Variants in ASXL3 observed in about 807,000 individuals in gnomAD.
ASXL3 encodes the protein ASXL transcriptional regulator 3.
In ASXL3, 34 loss-of-function variants were observed where a neutral mutation model predicts 170.6. The ratio of observed to expected loss-of-function variants is 0.20; its 90% CI spans 0.15 to 0.27. The LOEUF is 0.27. ASXL3 is among the 10% of genes least tolerant of loss of function. The pLI, the probability that ASXL3 is intolerant of heterozygous loss-of-function variation, is 1.00. For synonymous variants in ASXL3, 1,002 were observed against 989.1 expected (o/e 1.01, Z -0.24); for missense variants, 2,592 against 2,695.3 (o/e 0.96, Z 0.85).
chr18:33,661,132 A>G (rs78724589), intron 4 of ASXL3, among the ~76,000 whole-genome samples: 95 of 152,330 alleles, frequency 6.2e-4, no homozygotes, highest in East Asian at 4.6e-3. Context: ...AAGAGAAAAT[A>G]AACATGTCCC....
At chr18:33,659,300 G>A (rs1168213190) in intron 4 of ASXL3, among the ~76,000 whole-genome samples, 3 of 152,060 alleles carry the variant, frequency 2.0e-5, no homozygotes, top group Admixed American at 2.0e-4. Context: ...AGTACATTTA[G>A]ACGCCCAGTA....
At chr18:33,645,321 T>A (rs1158163667) in intron 3 of ASXL3, among the ~76,000 whole-genome samples, 1 of 151,982 alleles carries the variant, frequency 6.6e-6, no homozygotes, top group African/African-American at 2.4e-5. Flanking sequence ...AGAGTTACCA[T>A]GAACTCTTTG....
intron 1 of ASXL3, among the ~76,000 whole-genome samples, chr18:33,593,630 A>G (rs1324161214): frequency 6.6e-6 from 1 of 152,170 alleles, no homozygotes; most frequent in Non-Finnish European, 1.5e-5. Flanking sequence ...ATATTCAGCC[A>G]TATCTGTTTC....
chr18:33,646,915 T>G (rs2065925037), intron 4 of ASXL3, among the ~76,000 whole-genome samples: 1 of 149,164 alleles, frequency 6.7e-6, no homozygotes, highest in African/African-American at 2.5e-5. Flanking sequence ...CTGAATTTTA[T>G]ATGTGAACTT....
At chr18:33,734,483 T>C (rs2145403259) in intron 10 of ASXL3, 68 bp downstream of exon 10, 3 of 1,022,470 alleles carry the variant, frequency 2.9e-6, no homozygotes, top group African/African-American at 1.6e-5. Flanking sequence ...CTGCTTCACA[T>C]AGCACACTCA....
At chr18:33,713,544 C>T (rs781465297) in intron 8 of ASXL3, among the ~76,000 whole-genome samples, 2 of 151,998 alleles carry the variant, frequency 1.3e-5, no homozygotes, top group African/African-American at 2.4e-5. Flanking sequence ...CGTGAGCCAC[C>T]GTGCCCGGCC....
chr18:33,719,000 ATATT>A (rs1266060329), intron 8 of ASXL3, among the ~76,000 whole-genome samples: 1 of 152,100 alleles, frequency 6.6e-6, no homozygotes, highest in South Asian at 2.1e-4. Context: ...TATTTCATAT[ATATT>A]TATTCATTTA....
chr18:33,652,230 A>G (rs2066009768), intron 4 of ASXL3, among the ~76,000 whole-genome samples: 1 of 152,066 alleles, frequency 6.6e-6, no homozygotes, highest in African/African-American at 2.4e-5. Context: ...TTCTGAGCAT[A>G]ATACATTGAT....
intron 5 of ASXL3, among the ~76,000 whole-genome samples, chr18:33,668,080 G>T (rs541892696): frequency 2.0e-5 from 3 of 152,110 alleles, no homozygotes; most frequent in Non-Finnish European, 2.9e-5. Context: ...CCAGCAGCTA[G>T]TTAGTTAAAT....
chr18:33,597,489 T>G lies in ASXL3; in HGVS notation c.55-10105T>G, dbSNP rs181133669. Among the ~76,000 whole-genome samples, 17 of 152,118 alleles carry G rather than the reference T, an allele frequency of 1.1e-4. No homozygotes were observed. The East Asian group carries it at 2.3e-3, about 21-fold the overall frequency. On this transcript the variant is annotated intron_variant, in intron 1 of 11. Transcript: ENST00000269197. Reference sequence around the variant, plus strand: ...TAGACTACGTCTCATTATTTTGGAGTCATAATCTCATATAATGCTTCATTG... The same window carrying G: ...TAGACTACGTCTCATTATTTTGGAGGCATAATCTCATATAATGCTTCATTG...
chr18:33,711,988 C>T (rs2067073502), intron 8 of ASXL3, among the ~76,000 whole-genome samples: 1 of 152,092 alleles, frequency 6.6e-6, no homozygotes, highest in Non-Finnish European at 1.5e-5. Context: ...GTTCCATGTA[C>T]TCCTCCAATT....
intron 2 of ASXL3, among the ~76,000 whole-genome samples, chr18:33,613,623 T>TA (rs1261331229): frequency 6.6e-6 from 1 of 152,080 alleles, no homozygotes; most frequent in Non-Finnish European, 1.5e-5. Flanking sequence ...TACCTTAATT[T>TA]AAAAAATACT....
At chr18:33,615,618 A>G (rs1371320726) in intron 2 of ASXL3, among the ~76,000 whole-genome samples, 1 of 152,206 alleles carries the variant, frequency 6.6e-6, no homozygotes, top group African/African-American at 2.4e-5. Context: ...GCGAAGCATA[A>G]TAAAGTGAAA....
At chr18:33,691,351 C>T (rs1219000157) in intron 8 of ASXL3, among the ~76,000 whole-genome samples, 2 of 152,154 alleles carry the variant, frequency 1.3e-5, no homozygotes, top group Non-Finnish European at 2.9e-5. Flanking sequence ...TGTGGTGTTG[C>T]AGCCCCTAGG....
At chr18:33,620,267 C>T (rs775626868) in intron 2 of ASXL3, among the ~76,000 whole-genome samples, 4 of 152,040 alleles carry the variant, frequency 2.6e-5, no homozygotes, top group Non-Finnish European at 4.4e-5. Context: ...CAGTTTGTAG[C>T]TTAATTTGTG....
At chr18:33,635,486 C>G (rs1417773863) in intron 2 of ASXL3, among the ~76,000 whole-genome samples, 1 of 152,166 alleles carries the variant, frequency 6.6e-6, no homozygotes, top group Non-Finnish European at 1.5e-5. Flanking sequence ...ACCAGCTATT[C>G]TCTTTTGTGT....
intron 8 of ASXL3, among the ~76,000 whole-genome samples, chr18:33,731,504 C>T (rs571094475): frequency 9.2e-5 from 14 of 152,198 alleles, no homozygotes; most frequent in African/African-American, 2.6e-4. Flanking sequence ...GACTCTCATG[C>T]GGCTGCATCA....
chr18:33,586,714 T>A (rs955361411), intron 1 of ASXL3, among the ~76,000 whole-genome samples: 4 of 152,174 alleles, frequency 2.6e-5, no homozygotes, highest in Non-Finnish European at 5.9e-5. Flanking sequence ...TCTTCTCTGA[T>A]GAGGATGTCA....
At position 33,745,213 on chromosome 18, in the gene ASXL3, A is replaced by G. The variant is rs2067757903; in HGVS notation, c.5365A>G (p.Lys1789Glu). ...PLPLQTTSVG[K>E]TAPERNVEIP... ...GCCTCTTCAAACTACCTCAGTGGGTAAAACAGCACCAGAGAGAAACGTTGA... is the reference window on the plus strand; with the variant it reads ...GCCTCTTCAAACTACCTCAGTGGGTGAAACAGCACCAGAGAGAAACGTTGA... Residue 1789 changes from lysine (K) to glutamate (E), a missense_variant, in exon 12 of 12, where the codon AAA (lysine) becomes GAA (glutamate). Coordinates refer to ENST00000269197, the MANE Select transcript of ASXL3 (RefSeq NM_030632.3). 1.9e-6 allele frequency: 3 copies of G among 1,614,034 alleles called. No individual in the cohort carries two copies. The highest frequency in any genetic ancestry group is 2.2e-5 in the East Asian group (1 of 44,874).
Sources: gnomAD v4.1 joint callset for allele counts (sites outside exome capture counted in the v4.1 genomes callset) on GRCh38, gnomAD v4.1.1 for gene constraint, MANE v1.5 for transcripts, NCBI Gene and HGNC (gene_info 2026-07-23, HGNC 2026-07-21) for gene names.